The following POU6F2 variants were observed in gnomAD, a reference collection of about 807,000 sequenced individuals.
The protein encoded by POU6F2 is POU domain, class 6, transcription factor 2.
A neutral mutation model predicts 71.3 loss-of-function variants in POU6F2; 31 were observed. That is an observed-to-expected ratio of 0.43 (90% confidence interval 0.33 to 0.59). POU6F2 has a LOEUF of 0.59. POU6F2 is among the 20% of genes least tolerant of loss of function. The pLI, the probability that POU6F2 is intolerant of heterozygous loss-of-function variation, is 0.04. For synonymous variants in POU6F2, 347 were observed against 355.7 expected, an observed-to-expected ratio of 0.98 and a Z score of 0.27; for missense variants, 783 against 856.8, an observed-to-expected ratio of 0.91 and a Z score of 1.07.
At chr7:39,454,709 T>G (rs188548338) in intron 8 of POU6F2, among the ~76,000 whole-genome samples, 1,027 of 69,794 alleles carry the variant, frequency 0.015, 175 homozygotes, top group East Asian at 0.088. Context: ...TATATATATA[T>G]ATATATATAT....
At chr7:38,984,597 C>T (rs1480795000) in intron 1 of POU6F2, among the ~76,000 whole-genome samples, 1 of 152,022 alleles carries the variant, frequency 6.6e-6, no homozygotes, top group African/African-American at 2.4e-5. Flanking sequence ...AATTAAAAAA[C>T]AAAGTCTAAG....
intron 5 of POU6F2, among the ~76,000 whole-genome samples, chr7:39,348,762 A>G (rs1786078682): frequency 6.6e-6 from 1 of 152,226 alleles, no homozygotes; most frequent in African/African-American, 2.4e-5. Flanking sequence ...ATTTTATTAA[A>G]AACAGATTCC....
chr7:39,204,768 C>T (rs1371580707), intron 3 of POU6F2, among the ~76,000 whole-genome samples: 1 of 152,032 alleles, frequency 6.6e-6, no homozygotes, highest in Admixed American at 6.6e-5. Context: ...TTGGGTTTGA[C>T]AATACTGTAC....
chr7:39,303,121 A>G (rs1163671803), intron 4 of POU6F2, among the ~76,000 whole-genome samples: 1 of 152,128 alleles, frequency 6.6e-6, no homozygotes, highest in Non-Finnish European at 1.5e-5. Flanking sequence ...AGCTGTCACT[A>G]CAGTGTATTG....
chr7:39,331,223 G>A (rs1218074217), intron 4 of POU6F2, among the ~76,000 whole-genome samples: 1 of 152,166 alleles, frequency 6.6e-6, no homozygotes, highest in Non-Finnish European at 1.5e-5. Context: ...GTTGTGAATA[G>A]TGCTGCAGTA....
At chr7:39,028,643 G>C (rs1274181759) in intron 1 of POU6F2, among the ~76,000 whole-genome samples, 1 of 151,860 alleles carries the variant, frequency 6.6e-6, no homozygotes, top group Non-Finnish European at 1.5e-5. Flanking sequence ...ACACCTGTAT[G>C]CTATTAAGCG....
chr7:39,166,258 G>A (rs1793113796), intron 2 of POU6F2, among the ~76,000 whole-genome samples: 1 of 152,162 alleles, frequency 6.6e-6, no homozygotes, highest in South Asian at 2.1e-4. Context: ...CAGACAGTGT[G>A]GAAAACTTGG....
intron 1 of POU6F2, among the ~76,000 whole-genome samples, chr7:38,980,422 A>G (rs1788288848): frequency 6.6e-6 from 1 of 152,258 alleles, no homozygotes; most frequent in African/African-American, 2.4e-5. Context: ...GAAATATAAA[A>G]AAGAAAGGTG....
intron 4 of POU6F2, among the ~76,000 whole-genome samples, chr7:39,322,657 T>G (rs895053548): frequency 3.9e-5 from 6 of 152,230 alleles, no homozygotes; most frequent in Non-Finnish European, 5.9e-5. Context: ...TTAGGTGGTG[T>G]TCATTCACTT....
intron 4 of POU6F2, among the ~76,000 whole-genome samples, chr7:39,242,169 C>T (rs186510620): frequency 7.2e-5 from 11 of 152,116 alleles, no homozygotes; most frequent in Non-Finnish European, 1.2e-4. Context: ...CCACTGTAAA[C>T]GTTTGCATAT....
chr7:39,464,809 C>T lies in POU6F2; in HGVS notation c.*123C>T, dbSNP rs1453033638. 1.2e-5 allele frequency: 14 copies of T among 1,185,840 alleles called. No homozygotes were observed. The highest frequency in any genetic ancestry group is 1.6e-5 in the Non-Finnish European group (14 of 872,218). 73.5% of individuals were successfully genotyped at this position (1,185,840 alleles called of 1,614,324 possible). The stretch of plus-strand genomic sequence containing the variant: ...AAAAATAGCCCCAGTCGTCATCACC[C>T]TTGTAAGTAAATGACTAAGAAAACT... On this transcript the variant is annotated 3_prime_UTR_variant, in exon 10 of 10. Transcript: ENST00000518318. The surrounding 1 kb of genome is among the most constrained non-coding windows in gnomAD (Gnocchi z 4.1).
chr7:39,004,407 T>C (rs562550704), intron 1 of POU6F2, among the ~76,000 whole-genome samples: 1 of 152,320 alleles, frequency 6.6e-6, no homozygotes, highest in African/African-American at 2.4e-5. Flanking sequence ...AATAGAAGAT[T>C]TTCCTGTTTC....
chr7:39,074,405 G>A (rs1260874187), intron 1 of POU6F2, among the ~76,000 whole-genome samples: 3 of 151,954 alleles, frequency 2.0e-5, no homozygotes, highest in East Asian at 3.9e-4. Context: ...GCTTGAACAC[G>A]GAAGGCAGAG....
At chr7:39,303,410 G>A (rs1467506961) in intron 4 of POU6F2, among the ~76,000 whole-genome samples, 1 of 152,180 alleles carries the variant, frequency 6.6e-6, no homozygotes, top group African/African-American at 2.4e-5. Flanking sequence ...GGCTCCCAAA[G>A]TGCTGGGATT....
At chr7:39,083,593 C>T (rs1276419622) in intron 1 of POU6F2, 1 of 145,118 alleles carries the variant, frequency 6.9e-6, no homozygotes, top group Non-Finnish European at 1.5e-5. Flanking sequence ...AATTGTGTGT[C>T]TCTTTTCCCT....
At chr7:39,429,421 T>G (rs78782753) in intron 6 of POU6F2, among the ~76,000 whole-genome samples, 56 of 152,306 alleles carry the variant, frequency 3.7e-4, no homozygotes, top group Admixed American at 6.5e-4. Context: ...ATAGAGATTT[T>G]TCTCAAAGAG....
intron 8 of POU6F2, among the ~76,000 whole-genome samples, chr7:39,455,809 C>T (rs1410574319): frequency 1.3e-5 from 2 of 152,190 alleles, no homozygotes; most frequent in African/African-American, 2.4e-5. Context: ...CCAGTGACCA[C>T]GCAACCAGAT....
chr7:39,105,973 A>T (rs1378749825), intron 2 of POU6F2, among the ~76,000 whole-genome samples: 1 of 152,172 alleles, frequency 6.6e-6, no homozygotes, highest in Non-Finnish European at 1.5e-5. Flanking sequence ...AGAACATGTT[A>T]AGCTCAGTGC....
At chr7:39,025,815 C>A (rs1425524814) in intron 1 of POU6F2, among the ~76,000 whole-genome samples, 1 of 150,822 alleles carries the variant, frequency 6.6e-6, no homozygotes, top group Non-Finnish European at 1.5e-5. Context: ...AACAGGCAAC[C>A]TACAAAATGG....
Sources: gnomAD v4.1 joint callset for allele counts (sites outside exome capture counted in the v4.1 genomes callset) on GRCh38, gnomAD v4.1.1 for gene constraint, Gnocchi (gnomAD v3.1) non-coding constraint, MANE v1.5 for transcripts, NCBI Gene and HGNC (gene_info 2026-07-23, HGNC 2026-07-21) for gene names.